Variants in PCDHGA3 observed in about 807,000 individuals in gnomAD.
PCDHGA3 encodes the protein protocadherin gamma subfamily A, 3.
A neutral mutation model predicts 58.5 loss-of-function variants in PCDHGA3; 40 were observed. That is an observed-to-expected ratio of 0.68 (90% CI 0.53 to 0.89). The LOEUF is 0.89. Among genes scored for constraint, PCDHGA3 ranks in the 40% least tolerant of loss-of-function variants. The pLI is 0.00. For synonymous variants in PCDHGA3, 530 were observed against 525.7 expected (o/e 1.01, Z -0.11); for missense variants, 1,223 against 1,195.9 (o/e 1.02, Z -0.33).
intron 1 of PCDHGA3, among the ~76,000 whole-genome samples, chr5:141,456,046 C>T (rs759479772): frequency 1.3e-5 from 2 of 151,904 alleles, no homozygotes; most frequent in Non-Finnish European, 2.9e-5. Context: ...TACAGGCGCC[C>T]ACCACCACGT....
intron 1 of PCDHGA3, chr5:141,394,313 C>G: frequency 6.2e-7 from 1 of 1,614,022 alleles, no homozygotes; most frequent in Non-Finnish European, 8.5e-7. Flanking sequence ...AGGGGGCGCC[C>G]CTGTCCTCGT....
chr5:141,481,229 A>G (rs989963485), intron 1 of PCDHGA3, among the ~76,000 whole-genome samples: 5 of 152,212 alleles, frequency 3.3e-5, no homozygotes, highest in African/African-American at 4.8e-5. Context: ...TCCCAGCCTT[A>G]AAGTATTACA....
chr5:141,476,238 G>C lies in PCDHGA3; in HGVS notation c.2425-18569G>C, dbSNP rs764976894. ...ATTCACTATGAGATCCCGGAGGAAA[G>C]AGAGAAGGGTTTCGCTGTGGGCAAC... On this transcript the variant is annotated intron_variant, in intron 1 of 3. Coordinates refer to ENST00000253812, the MANE Select transcript of PCDHGA3 (RefSeq NM_018916.4). The surrounding 1 kb of genome is among the most constrained non-coding windows in gnomAD (Gnocchi z 7.6). 1 of 1,614,098 alleles carries C rather than the reference G, an allele frequency of 6.2e-7. No individual in the cohort carries two copies.
intron 1 of PCDHGA3, chr5:141,388,959 G>C: frequency 6.2e-7 from 1 of 1,613,996 alleles, no homozygotes; most frequent in Non-Finnish European, 8.5e-7. Flanking sequence ...GGAGGACGCC[G>C]AGCTGGGAAC....
At chr5:141,442,111 C>G (rs1265830634) in intron 1 of PCDHGA3, 1 of 166,236 alleles carries the variant, frequency 6.0e-6, no homozygotes, top group Non-Finnish European at 1.3e-5. Context: ...CACTACCGCC[C>G]CTCGTCGCCG....
chr5:141,431,036 G>A lies in PCDHGA3; in HGVS notation c.2425-63771G>A. The A allele has an allele frequency of 6.2e-7, 1 of 1,614,204 alleles. No individual in the cohort carries two copies. Among genetic ancestry groups the A allele is most frequent in the Non-Finnish European group, 8.5e-7 (1 of 1,180,034 alleles). ...GGTCACGGCGGGCAGGATAGACCGG[G>A]AGGAGCTCTGTATGGGGGCCATCAA... On this transcript the variant is annotated intron_variant, in intron 1 of 3. Coordinates refer to ENST00000253812, the MANE Select transcript of PCDHGA3 (RefSeq NM_018916.4). This position sits in a 1 kb window ranked among gnomAD's most constrained non-coding sequence, Gnocchi z 4.8.
intron 1 of PCDHGA3, chr5:141,415,810 T>C: frequency 7.4e-7 from 1 of 1,360,418 alleles, no homozygotes; most frequent in Non-Finnish European, 9.5e-7. Context: ...AATCAAGGCC[T>C]ATATATCATA....
chr5:141,364,438 G>A, intron 1 of PCDHGA3: 1 of 1,613,820 alleles, frequency 6.2e-7, no homozygotes, highest in Non-Finnish European at 8.5e-7. Context: ...ACTCGATGCC[G>A]GAGGAGCTGG....
intron 1 of PCDHGA3, chr5:141,355,396 A>G: frequency 2.5e-6 from 4 of 1,614,080 alleles, no homozygotes; most frequent in Non-Finnish European, 3.4e-6. Flanking sequence ...CGGAGTCCGC[A>G]TCGTCTCCAG....
chr5:141,511,265 A>C lies in PCDHGA3; in HGVS notation c.*92A>C. The C allele has an allele frequency of 6.4e-7, 1 of 1,551,730 alleles. No individual in the cohort carries two copies. Among genetic ancestry groups the C allele is most frequent in the Non-Finnish European group, 8.7e-7 (1 of 1,148,178 alleles). ...ACCCAGGCCTCAGAGTTTCAGGGCT[A>C]ACCCCCAGAATACTGGTAGGGGCCA... On this transcript the variant is annotated 3_prime_UTR_variant, in exon 4 of 4. Coordinates refer to ENST00000253812, the MANE Select transcript of PCDHGA3 (RefSeq NM_018916.4).
At position 141,421,448 on chromosome 5, in the gene PCDHGA3, A is replaced by G. The variant is rs772957069; in HGVS notation, c.2425-73359A>G. On this transcript the variant is annotated intron_variant, in intron 1 of 3. Coordinates refer to ENST00000253812, the MANE Select transcript of PCDHGA3 (RefSeq NM_018916.4). ...CGCATCGTCTCCAGAGGGAAGACAC[A>G]GCTTTTCGCTGTGAATCCGCGAAGC... The G allele has an allele frequency of 7.8e-5, 126 of 1,614,014 alleles. No individual in the cohort carries two copies. The highest frequency in any genetic ancestry group is 1.0e-4 in the Non-Finnish European group (119 of 1,179,944).
chr5:141,394,855 C>T (rs1201168639), intron 1 of PCDHGA3: 2 of 1,613,778 alleles, frequency 1.2e-6, no homozygotes, highest in African/African-American at 1.3e-5. Context: ...CTGAAGCCTT[C>T]GGTCGACCCG....
intron 1 of PCDHGA3, chr5:141,423,080 T>C: frequency 6.2e-7 from 1 of 1,614,050 alleles, no homozygotes; most frequent in East Asian, 2.2e-5. Flanking sequence ...CCGGGACTCT[T>C]CGCGGTGGGG....
At chr5:141,357,790 C>T in intron 1 of PCDHGA3, 2 of 835,328 alleles carry the variant, frequency 2.4e-6, no homozygotes, top group Non-Finnish European at 3.6e-6. Flanking sequence ...CAGTATTTAC[C>T]ACACAAAAAT....
Position 141,384,308 on chromosome 5 carries a change from C to G in PCDHGA3, c.2424+37851C>G, listed in dbSNP as rs974367218. On this transcript the variant is annotated intron_variant, in intron 1 of 3. Transcript: ENST00000253812. ...GCTGAGAACAACCCCAGAGGGGCCT[C>G]CATTTTCTTAGTGACTGCACAGGAC... The G allele has an allele frequency of 1.5e-5, 25 of 1,613,736 alleles. No homozygotes were observed. The highest frequency in any genetic ancestry group is 2.1e-5 in the Non-Finnish European group (25 of 1,179,896).
In PCDHGA3 at chr5:141,360,676, G is replaced by T. The variant is rs993703325; in HGVS notation, c.2424+14219G>T. The T allele has an allele frequency of 8.1e-6, 13 of 1,613,834 alleles. No individual in the cohort carries two copies. Among genetic ancestry groups the T allele is most frequent in the African/African-American group, 1.3e-5 (1 of 74,924 alleles). On this transcript the variant is annotated intron_variant, in intron 1 of 3. Transcript: ENST00000253812. ...TAATGACAACGAGTACTTTGATCTC[G>T]CTGAGAAACAGACTCCAGATGGTCG...
At chr5:141,371,558 A>G in intron 1 of PCDHGA3, 1 of 1,613,764 alleles carries the variant, frequency 6.2e-7, no homozygotes, top group Non-Finnish European at 8.5e-7. Context: ...AACTAAAAGG[A>G]AACTTCCCCT....
At chr5:141,352,216 C>T (rs200739845) in intron 1 of PCDHGA3, 307 of 1,613,584 alleles carry the variant, frequency 1.9e-4, no homozygotes, top group East Asian at 2.9e-4. Flanking sequence ...CACTCTCCGC[C>T]ACCGCCACGC....
chr5:141,344,436 A>G lies in PCDHGA3; in HGVS notation c.403A>G (p.Thr135Ala), dbSNP rs898974652. 4 of 1,613,462 alleles carry G rather than the reference A, an allele frequency of 2.5e-6. No homozygotes were observed. Among genetic ancestry groups the G allele is most frequent in the African/African-American group, 2.7e-5 (2 of 74,916 alleles). ...DINDNAPNFPTEELEIKIGEL... is the reference protein window; with the variant it reads ...DINDNAPNFPAEELEIKIGEL... Reference sequence around the variant, plus strand: ...TAATGATAATGCTCCTAATTTCCCAACAGAGGAATTGGAAATAAAAATTGG... The same window carrying G: ...TAATGATAATGCTCCTAATTTCCCAGCAGAGGAATTGGAAATAAAAATTGG... The change falls in exon 1 of 4, where the codon ACA becomes GCA. Residue 135 changes from threonine to alanine, a missense_variant. Transcript: ENST00000253812.
Sources: allele counts gnomAD v4.1 joint callset (sites outside exome capture counted in the v4.1 genomes callset), GRCh38; gene constraint gnomAD v4.1.1; non-coding constraint Gnocchi (gnomAD v3.1); transcripts MANE v1.5; gene names NCBI Gene and HGNC (gene_info 2026-07-23, HGNC 2026-07-21).